The following CACNA2D3 variants were observed in gnomAD, a reference collection of about 807,000 sequenced individuals.
The protein encoded by CACNA2D3 is voltage-dependent calcium channel subunit alpha-2/delta-3.
CACNA2D3 carries 60 observed loss-of-function variants against 160.6 expected under a neutral mutation model. The ratio of observed to expected loss-of-function variants is 0.37; its 90% CI spans 0.30 to 0.46. CACNA2D3 has a LOEUF of 0.46. Ranked by LOEUF, CACNA2D3 falls within the 20% of genes least tolerant of loss-of-function variation. The pLI, the probability that CACNA2D3 is intolerant of heterozygous loss-of-function variation, is 1.00. For synonymous variants in CACNA2D3, 558 were observed against 492.9 expected (o/e 1.13, Z -1.75); for missense variants, 1,205 against 1,365.0 (o/e 0.88, Z 1.85).
chr3:55,051,719 C>T (rs540582910), intron 35 of CACNA2D3, among the ~76,000 whole-genome samples: 1 of 152,250 alleles, frequency 6.6e-6, no homozygotes, highest in Non-Finnish European at 1.5e-5. Context: ...TGCCGCCTTG[C>T]AGTTTGATCT....
At chr3:55,021,036 A>G (rs900211074) in intron 35 of CACNA2D3, among the ~76,000 whole-genome samples, 2 of 152,082 alleles carry the variant, frequency 1.3e-5, no homozygotes, top group Admixed American at 6.6e-5. Flanking sequence ...TCTTTCTGTA[A>G]TATCTGTAGC....
At position 54,736,097 on chromosome 3, in the gene CACNA2D3, ATACATATATATG is replaced by A. The variant is rs1175939129; in HGVS notation, c.1168-16499_1168-16488del. ...TACATATATATGTATGTGTATATAT[ATACATATATATG>A]TATATATATACATATATATATGTAT... On this transcript the variant is annotated intron_variant, in intron 11 of 37. Transcript: ENST00000474759. Among the ~76,000 whole-genome samples the A allele has an allele frequency of 6.3e-4, 10 of 15,816 alleles. 1 individual carries two copies. Among genetic ancestry groups the A allele is most frequent in the Non-Finnish European group, 1.6e-3 (10 of 6,224 alleles). 10.4% of individuals were successfully genotyped at this position (15,816 alleles called of 152,430 possible). A position where few individuals can be genotyped will look rare whatever the true frequency, so the allele number is the denominator to read the frequency against.
chr3:55,004,890 CCTGT>C, intron 32 of CACNA2D3, 52 bp downstream of exon 32: 3 of 1,272,450 alleles, frequency 2.4e-6, no homozygotes, highest in Non-Finnish European at 3.4e-6. Context: ...TGTCTTTCTC[CCTGT>C]CTGAGTGTTA....
At chr3:54,217,750 C>T (rs1456474737) in intron 2 of CACNA2D3, among the ~76,000 whole-genome samples, 2 of 152,122 alleles carry the variant, frequency 1.3e-5, no homozygotes, top group Non-Finnish European at 1.5e-5. Flanking sequence ...ACATGTTAAT[C>T]TAAGATGCAT....
chr3:54,874,336 G>C (rs1396923414), intron 18 of CACNA2D3, among the ~76,000 whole-genome samples: 1 of 152,190 alleles, frequency 6.6e-6, no homozygotes, highest in East Asian at 1.9e-4. Context: ...GCCAGCAGGG[G>C]ATTTTGAGAC....
At position 54,314,993 on chromosome 3, in the gene CACNA2D3, C is replaced by T. The variant is rs1452412002; in HGVS notation, c.205-5449C>T. Among the ~76,000 whole-genome samples, 6 of 152,150 alleles carry T rather than the reference C, an allele frequency of 3.9e-5. No individual in the cohort carries two copies. The East Asian group carries it at 7.7e-4, about 20-fold the overall frequency. On this transcript the variant is annotated intron_variant, in intron 2 of 37. Transcript: ENST00000474759. The stretch of plus-strand genomic sequence containing the variant: ...CCCAGTTGAAGGATGACTGCTTTTA[C>T]GTGAAACAAAAGTAATTTGTACTGG...
intron 35 of CACNA2D3, among the ~76,000 whole-genome samples, chr3:55,019,317 A>G (rs1353050527): frequency 3.3e-5 from 5 of 151,976 alleles, no homozygotes; most frequent in African/African-American, 1.2e-4. Context: ...ACTCTTGCAT[A>G]CTAATTTTGG....
intron 35 of CACNA2D3, among the ~76,000 whole-genome samples, chr3:55,022,982 A>G (rs775322521): frequency 4.3e-4 from 66 of 152,026 alleles, no homozygotes; most frequent in Non-Finnish European, 8.1e-4. Flanking sequence ...ATATGTTTAT[A>G]GTTACTCTTT....
chr3:54,521,353 G>T (rs1701643569), intron 5 of CACNA2D3, among the ~76,000 whole-genome samples: 1 of 152,160 alleles, frequency 6.6e-6, no homozygotes, highest in African/African-American at 2.4e-5. Context: ...GCTCTTTGGA[G>T]AAATGTCTCT....
chr3:54,439,568 T>G (rs759726539), intron 4 of CACNA2D3, among the ~76,000 whole-genome samples: 6 of 152,096 alleles, frequency 3.9e-5, no homozygotes, highest in Non-Finnish European at 7.4e-5. Flanking sequence ...GTGCTGGCAG[T>G]CCATGGGCTG....
At chr3:54,699,617 G>A (rs1033008961) in intron 11 of CACNA2D3, among the ~76,000 whole-genome samples, 10 of 152,092 alleles carry the variant, frequency 6.6e-5, no homozygotes, top group Admixed American at 2.6e-4. Context: ...CCCATTTATT[G>A]TTCTATTTCT....
At chr3:54,550,346 C>T (rs1198737295) in intron 5 of CACNA2D3, among the ~76,000 whole-genome samples, 4 of 152,190 alleles carry the variant, frequency 2.6e-5, no homozygotes, top group African/African-American at 9.6e-5. Flanking sequence ...GTTCCCTCAT[C>T]CTCCAGAAAT....
At chr3:54,180,926 C>CAT (rs1700771470) in intron 2 of CACNA2D3, among the ~76,000 whole-genome samples, 1 of 152,148 alleles carries the variant, frequency 6.6e-6, no homozygotes, top group Non-Finnish European at 1.5e-5. Flanking sequence ...AAGGAGGCTA[C>CAT]CTGATAGATG....
intron 3 of CACNA2D3, among the ~76,000 whole-genome samples, chr3:54,325,101 G>C (rs1175074827): frequency 4.0e-5 from 6 of 149,454 alleles, no homozygotes; most frequent in East Asian, 1.9e-4. Flanking sequence ...CAGCCCTTCA[G>C]GGGGAGTAGC....
chr3:54,425,584 C>G (rs1347205676), intron 4 of CACNA2D3, among the ~76,000 whole-genome samples: 5 of 152,234 alleles, frequency 3.3e-5, no homozygotes, highest in African/African-American at 1.2e-4. Context: ...AGCTCTACCC[C>G]ACCTGAACAC....
chr3:54,708,423 G>A (rs1700893943), intron 11 of CACNA2D3, among the ~76,000 whole-genome samples: 1 of 152,170 alleles, frequency 6.6e-6, no homozygotes, highest in African/African-American at 2.4e-5. Flanking sequence ...CAAAGACAAA[G>A]TGACAGAAAA....
chr3:54,583,401 A>C (rs910353751), intron 9 of CACNA2D3, among the ~76,000 whole-genome samples: 2 of 152,204 alleles, frequency 1.3e-5, no homozygotes, highest in African/African-American at 2.4e-5. Flanking sequence ...TTGAATATAA[A>C]AACTAATCTG....
At chr3:54,737,869 T>C (rs1301649701) in intron 11 of CACNA2D3, among the ~76,000 whole-genome samples, 3 of 152,220 alleles carry the variant, frequency 2.0e-5, no homozygotes, top group Non-Finnish European at 4.4e-5. Context: ...TTTCGCCATG[T>C]TGGCCGGGCT....
intron 28 of CACNA2D3, 39 bp downstream of exon 28, chr3:54,968,550 G>C (rs763009565): frequency 6.8e-7 from 1 of 1,479,948 alleles, no homozygotes; most frequent in Admixed American, 1.8e-5. Flanking sequence ...TAGCGACACT[G>C]TTATTATACA....
Sources: allele counts gnomAD v4.1 joint callset (sites outside exome capture counted in the v4.1 genomes callset), GRCh38; gene constraint gnomAD v4.1.1; transcripts MANE v1.5; gene names NCBI Gene and HGNC (gene_info 2026-07-23, HGNC 2026-07-21).